TTC6: variants seen among roughly 807,000 people sequenced by gnomAD.
TTC6 encodes the protein tetratricopeptide repeat protein 6.
TTC6 carries 172 observed loss-of-function variants against 210.4 expected under a neutral mutation model. The observed-to-expected ratio is 0.82, with a 90% CI of 0.72 to 0.93. The LOEUF is 0.93. Among genes scored for constraint, TTC6 ranks in the 40% least tolerant of loss-of-function variants. TTC6 has a pLI of 0.00. For synonymous variants in TTC6, 804 were observed against 819.6 expected (o/e 0.98, Z 0.32); for missense variants, 2,414 against 2,318.1 (o/e 1.04, Z -0.85).
In TTC6 at chr14:37,642,363, G is replaced by C. The variant is rs192464201; in HGVS notation, c.939+19360G>C. On this transcript the variant is annotated intron_variant, in intron 1 of 30. Coordinates refer to ENST00000553443, the Ensembl canonical transcript of TTC6. ...TGAAAGGATACAGGTGGGACAATCC[G>C]CAGGTGGTGGTGACATTTGCAATTG... Among the ~76,000 whole-genome samples the C allele has an allele frequency of 1.8e-3, 274 of 152,310 alleles. 1 individual carries two copies. Among genetic ancestry groups the C allele is most frequent in the Middle Eastern group, 6.8e-3 (2 of 294 alleles).
chr14:37,792,251 C>T lies in TTC6; in HGVS notation c.3558-13C>T. 1.3e-6 allele frequency: 2 copies of T among 1,489,624 alleles called. No individual in the cohort carries two copies. The highest frequency in any genetic ancestry group is 2.5e-5 in the East Asian group (1 of 40,378). 92.3% of individuals were successfully genotyped at this position (1,489,624 alleles called of 1,614,324 possible). ...AATGTTTAACAAGATTTCACTTTCT[C>T]ATTTTTTTTTAGAACTATTACTTTG... is the stretch of plus-strand genomic sequence containing the variant. On this transcript the variant is annotated splice_polypyrimidine_tract_variant and intron_variant, in intron 16 of 30. Transcript: ENST00000553443.
intron 2 of TTC6, among the ~76,000 whole-genome samples, chr14:37,617,044 T>C (rs1404276579): frequency 1.3e-5 from 2 of 152,094 alleles, no homozygotes; most frequent in East Asian, 3.9e-4. Context: ...GCCCGGTTAA[T>C]TTTTTACTTT....
Position 37,753,245 on chromosome 14 carries a change from A to C in TTC6, c.3266+10A>C. Reference sequence around the variant, plus strand: ...AAAATTCTCAAGCAAGGTAAGAATGATTTTAGATGTCGTTTTAAAATTATT... The same window carrying C: ...AAAATTCTCAAGCAAGGTAAGAATGCTTTTAGATGTCGTTTTAAAATTATT... On this transcript the variant is annotated intron_variant, in intron 14 of 30. Transcript: ENST00000553443. The C allele has an allele frequency of 1.3e-6, 2 of 1,507,566 alleles. No individual in the cohort carries two copies. Among genetic ancestry groups the C allele is most frequent in the Non-Finnish European group, 1.8e-6 (2 of 1,132,220 alleles). 93.4% of individuals were successfully genotyped at this position (1,507,566 alleles called of 1,614,324 possible). A position where few individuals can be genotyped will look rare whatever the true frequency, so the allele number is the denominator to read the frequency against.
chr14:37,686,051 A>G (rs191722279), intron 3 of TTC6, among the ~76,000 whole-genome samples: 1 of 152,236 alleles, frequency 6.6e-6, no homozygotes, highest in East Asian at 1.9e-4. Flanking sequence ...CCTAGACTGA[A>G]TATCATAAAA....
chr14:37,690,043 CAAG>C (rs1378690983), intron 3 of TTC6, among the ~76,000 whole-genome samples: 1 of 151,770 alleles, frequency 6.6e-6, no homozygotes, highest in Non-Finnish European at 1.5e-5. Context: ...TAAATAGAAA[CAAG>C]AAGATAAAAA....
chr14:37,671,819 CA>C (rs1387631514), intron 1 of TTC6, among the ~76,000 whole-genome samples: 1 of 152,044 alleles, frequency 6.6e-6, no homozygotes, highest in Non-Finnish European at 1.5e-5. Flanking sequence ...GGCGGTTCCT[CA>C]TTCTGTTCAT....
exon 31 of TTC6, chr14:37,842,155 C>T: frequency 5.9e-6 from 9 of 1,535,278 alleles, no homozygotes; most frequent in Non-Finnish European, 7.9e-6. Context: ...TCTTTTGCAG[C>T]CCTGTCTTTG....
intron 25 of TTC6, among the ~76,000 whole-genome samples, chr14:37,816,994 G>T (rs2096143580): frequency 6.6e-6 from 1 of 152,042 alleles, no homozygotes; most frequent in African/African-American, 2.4e-5. Flanking sequence ...CCTAACTTCA[G>T]ATCTGGGGAT....
intron 6 of TTC6, chr14:37,720,577 A>C (rs912227620): frequency 1.3e-5 from 2 of 151,866 alleles, no homozygotes; most frequent in African/African-American, 2.4e-5. Context: ...AAAAAAAAAA[A>C]AACTCAAACA....
upstream of TTC6, among the ~76,000 whole-genome samples, chr14:37,621,330 C>T (rs2095650654): frequency 6.6e-6 from 1 of 152,130 alleles, no homozygotes; most frequent in Non-Finnish European, 1.5e-5. Context: ...TGGAAGTAAG[C>T]CAGACATGGT....
In TTC6 at chr14:37,808,856, C is replaced by T. The variant is rs1218332868; in HGVS notation, c.4569+10C>T. 2.2e-6 allele frequency: 3 copies of T among 1,344,786 alleles called. No individual in the cohort carries two copies. The highest frequency in any genetic ancestry group is 3.1e-6 in the Non-Finnish European group (3 of 963,336). The allele number at this position is 1,344,786 out of a possible 1,614,324, so 83.3% of individuals were successfully genotyped here. On this transcript the variant is annotated intron_variant, in intron 24 of 30. Coordinates refer to ENST00000553443, the Ensembl canonical transcript of TTC6. ...AAGGGAACTTCAAATGGTAAGATGA[C>T]CATTTTAGTAAACAATGTGTTTAAA...
chr14:37,752,757 T>A (rs910486267), intron 13 of TTC6, among the ~76,000 whole-genome samples: 8 of 152,142 alleles, frequency 5.3e-5, no homozygotes, highest in Non-Finnish European at 1.0e-4. Context: ...ATATGTTATG[T>A]CTTTAGGATA....
chr14:37,772,536 T>C (rs8010481), intron 14 of TTC6: 143,941 of 152,828 alleles, frequency 0.94, 68,109 homozygotes, highest in Non-Finnish European at 1. Context: ...GTCGGAAAAG[T>C]GCAGTATGCA....
chr14:37,608,491 G>A (rs949218287), intron 2 of TTC6, among the ~76,000 whole-genome samples: 3 of 152,044 alleles, frequency 2.0e-5, no homozygotes, highest in Non-Finnish European at 4.4e-5. Context: ...TTTGCCAGGT[G>A]AGTCAGGGTT....
At chr14:37,725,350 ATATATATAAT>A (rs2095870700) in intron 7 of TTC6, among the ~76,000 whole-genome samples, 1 of 123,596 alleles carries the variant, frequency 8.1e-6, no homozygotes, top group African/African-American at 3.0e-5. Context: ...ATATATATAT[ATATATATAAT>A]TTTTTTTGAG....
chr14:37,622,527 C>T (rs1174443266), exon 1 of TTC6: 2 of 1,535,122 alleles, frequency 1.3e-6, no homozygotes, highest in East Asian at 2.5e-5. Flanking sequence ...GCTGCCTCCG[C>T]CCGAGCCACC....
intron 26 of TTC6, among the ~76,000 whole-genome samples, chr14:37,821,772 CTT>C (rs35078384): frequency 1.4e-5 from 1 of 69,148 alleles, no homozygotes. Context: ...AAGAGCTAGT[CTT>C]TTTTTTTTTT....
chr14:37,619,006 A>G (rs1201109526), upstream of TTC6, among the ~76,000 whole-genome samples: 1 of 152,202 alleles, frequency 6.6e-6, no homozygotes, highest in African/African-American at 2.4e-5. Context: ...AGAAATGCAG[A>G]TAGTGTTGAT....
intron 14 of TTC6, among the ~76,000 whole-genome samples, chr14:37,782,295 T>C (rs890212486): frequency 4.6e-5 from 7 of 152,334 alleles, no homozygotes; most frequent in African/African-American, 1.7e-4. Flanking sequence ...TATCTTCTTT[T>C]ATTTCATTGA....
Sources: allele counts gnomAD v4.1 joint callset (sites outside exome capture counted in the v4.1 genomes callset), GRCh38; gene constraint gnomAD v4.1.1; transcripts MANE v1.5; gene names NCBI Gene and HGNC (gene_info 2026-07-23, HGNC 2026-07-21).